The following HELZ variants were observed in gnomAD, a reference collection of about 807,000 sequenced individuals.
HELZ encodes the protein helicase with zinc finger, also known as ATP-dependent RNA helicase with zinc finger domain.
In HELZ, 23 loss-of-function variants were observed where a neutral mutation model predicts 218.2. The observed-to-expected ratio is 0.11, with a 90% CI of 0.08 to 0.15. The LOEUF is 0.15. HELZ is among the 10% of genes least tolerant of loss of function. HELZ has a pLI of 1.00. For synonymous variants in HELZ, 814 were observed against 829.4 expected (o/e 0.98, Z 0.32); for missense variants, 1,813 against 2,353.7 (o/e 0.77, Z 4.75).
intron 23 of HELZ, among the ~76,000 whole-genome samples, chr17:67,135,484 G>A (rs1167583226): frequency 6.6e-6 from 1 of 152,134 alleles, no homozygotes; most frequent in Non-Finnish European, 1.5e-5. Context: ...TTCTCAGTGA[G>A]GTCTGCTCTC....
At chr17:67,189,489 A>C (rs1017120847) in intron 11 of HELZ, 100 bp downstream of exon 11, 1 of 704,592 alleles carries the variant, frequency 1.4e-6, no homozygotes, top group Non-Finnish European at 2.5e-6. Context: ...ACTTAGATTA[A>C]AATATTTTCA....
intron 5 of HELZ, among the ~76,000 whole-genome samples, chr17:67,213,079 T>C (rs1280985844): frequency 1.3e-5 from 2 of 152,202 alleles, no homozygotes; most frequent in African/African-American, 4.8e-5. Flanking sequence ...TCCTTCAGCA[T>C]TTACTTTTGT....
Position 67,123,136 on chromosome 17 carries a change from A to G in HELZ, c.3464T>C (p.Ile1155Thr), listed in dbSNP as rs373787062. 26 of 1,613,242 alleles carry G rather than the reference A, an allele frequency of 1.6e-5. No homozygotes were observed. Among genetic ancestry groups the G allele is most frequent in the Admixed American group, 6.7e-5 (4 of 60,004 alleles). The change falls in exon 26 of 33, where the codon ATT (isoleucine) becomes ACT (threonine). Residue 1155 changes from isoleucine to threonine, a missense_variant. Ile to Thr is a moderately conservative substitution (Grantham distance 89). Around this residue, in one of 4 missense-constraint regions of HELZ, gnomAD observed 938 missense variants for 1,027.5 expected, o/e 0.91. Transcript: ENST00000358691. ...GIVQPNPSVL[I>T]GNPIRAYTPP... Reference sequence around the variant, plus strand: ...AGTATATGCTCTAATAGGATTGCCAATAAGTACAGAAGGATTGGGCTGAAC... The same window carrying G: ...AGTATATGCTCTAATAGGATTGCCAGTAAGTACAGAAGGATTGGGCTGAAC...
intron 32 of HELZ, among the ~76,000 whole-genome samples, chr17:67,086,621 T>TATATATATATATAAAA (rs2036384586): frequency 2.1e-5 from 1 of 48,370 alleles, no homozygotes; most frequent in South Asian, 1.2e-3. Context: ...TATAAATAAA[T>TATATATATATATAAAA]ATAAATATAA....
intron 31 of HELZ, among the ~76,000 whole-genome samples, chr17:67,094,900 C>A (rs1439843756): frequency 6.6e-6 from 1 of 152,134 alleles, no homozygotes; most frequent in Non-Finnish European, 1.5e-5. Flanking sequence ...TACTGTATTG[C>A]TAAAAAATGC....
In HELZ at chr17:67,087,014, C is replaced by A. The variant is rs1390836144; in HGVS notation, c.5309G>T (p.Cys1770Phe). ...RRISSSSVQP[C>F]SEEVSTPQDS... Reference sequence around the variant, plus strand: ...TTGAGGAGTGCTTACTTCTTCAGAACAAGGTTGAACTGAGCTAGATGAGAT... The same window carrying A: ...TTGAGGAGTGCTTACTTCTTCAGAAAAAGGTTGAACTGAGCTAGATGAGAT... The change falls in exon 32 of 33, where the codon TGT (cysteine) becomes TTT (phenylalanine). Residue 1770 changes from cysteine to phenylalanine, a missense_variant. This residue lies in a region of HELZ where 938 missense variants were observed against 1,027.5 expected (regional missense o/e 0.91). Coordinates refer to ENST00000358691, the MANE Select transcript of HELZ (RefSeq NM_014877.4). 1 of 1,613,918 alleles carries A rather than the reference C, an allele frequency of 6.2e-7. No homozygotes were observed. The highest frequency in any genetic ancestry group is 8.5e-7 in the Non-Finnish European group (1 of 1,179,990).
rs1567776304 is a variant in HELZ, at chr17:67,074,344, T to C, written c.*3908A>G. The C allele has an allele frequency of 6.6e-6, 1 of 152,208 alleles. No individual in the cohort carries two copies. Among genetic ancestry groups the C allele is most frequent in the Non-Finnish European group, 1.5e-5 (1 of 68,018 alleles). The allele number at this position is 152,208 out of a possible 1,614,324, so 9.4% of individuals were successfully genotyped here. A position where few individuals can be genotyped will look rare whatever the true frequency, so the allele number is the denominator to read the frequency against. ...TTAAAGTTTTAACCTTGTATTTTTA[T>C]AGATTCTTTCTGGGATTCCCTTTTT... is the stretch of plus-strand genomic sequence containing the variant. On this transcript the variant is annotated 3_prime_UTR_variant, in exon 33 of 33. Coordinates refer to ENST00000358691, the MANE Select transcript of HELZ (RefSeq NM_014877.4).
Position 67,072,416 on chromosome 17 carries a change from G to T in HELZ, c.*5836C>A, listed in dbSNP as rs1013919957. The T allele has an allele frequency of 3.3e-5, 5 of 152,614 alleles. No individual in the cohort carries two copies. Among genetic ancestry groups the T allele is most frequent in the African/African-American group, 9.7e-5 (4 of 41,434 alleles). The allele number at this position is 152,614 out of a possible 1,614,324, so 9.5% of individuals were successfully genotyped here. A position where few individuals can be genotyped will look rare whatever the true frequency, so the allele number is the denominator to read the frequency against. On this transcript the variant is annotated 3_prime_UTR_variant, in exon 33 of 33. Transcript: ENST00000358691. The stretch of plus-strand genomic sequence containing the variant: ...GATGCTCCATGTCACTGCCATCTTA[G>T]GACAGGGACTCCTGCACTTAGTGCC...
At chr17:67,178,603 G>C in intron 13 of HELZ, 56 bp downstream of exon 13, 4 of 1,421,878 alleles carry the variant, frequency 2.8e-6, no homozygotes, top group Non-Finnish European at 2.9e-6. Flanking sequence ...TTAAAGATTA[G>C]AAATACCATC....
intron 26 of HELZ, 72 bp downstream of exon 26, chr17:67,122,898 T>C (rs2037659792): frequency 8.9e-7 from 1 of 1,122,222 alleles, no homozygotes; most frequent in East Asian, 2.4e-5. Flanking sequence ...AGAATGCTAT[T>C]TGGGATTAGA....
intron 32 of HELZ, among the ~76,000 whole-genome samples, chr17:67,079,710 C>T (rs1313997077): frequency 1.3e-5 from 2 of 152,198 alleles, no homozygotes; most frequent in African/African-American, 4.8e-5. Context: ...ACAGCACTGG[C>T]ATGATAACTG....
At chr17:67,173,751 C>A (rs2039375997) in intron 13 of HELZ, among the ~76,000 whole-genome samples, 2 of 151,902 alleles carry the variant, frequency 1.3e-5, no homozygotes, top group Non-Finnish European at 1.5e-5. Flanking sequence ...GAAGCAGCAC[C>A]CATCTAACGA....
At chr17:67,184,213 C>T (rs1298814825) in intron 12 of HELZ, among the ~76,000 whole-genome samples, 1 of 152,128 alleles carries the variant, frequency 6.6e-6, no homozygotes, top group Non-Finnish European at 1.5e-5. Flanking sequence ...CACTGAGAGC[C>T]AATGATTAAC....
chr17:67,233,143 A>C lies in HELZ; in HGVS notation c.-19+6290T>G, dbSNP rs143809674. 3.0e-3 allele frequency among the ~76,000 whole-genome samples: 456 copies of C among 152,358 alleles called. 6 individuals are homozygous for C. The highest frequency in any genetic ancestry group is 0.027 in the Admixed American group (407 of 15,306). On this transcript the variant is annotated intron_variant, in intron 3 of 32. Coordinates refer to ENST00000358691, the MANE Select transcript of HELZ (RefSeq NM_014877.4). ...AGCGAGACTCCGTCTCAAAAAAATAAAATAAACATAACCAGCCTGGCCAAC... is the reference window on the plus strand; with the variant it reads ...AGCGAGACTCCGTCTCAAAAAAATACAATAAACATAACCAGCCTGGCCAAC...
chr17:67,145,701 G>A, intron 21 of HELZ, 42 bp downstream of exon 21: 1 of 1,515,926 alleles, frequency 6.6e-7, no homozygotes, highest in Middle Eastern at 1.7e-4. Context: ...TAGACGATGT[G>A]ACTGAGAAAA....
intron 5 of HELZ, among the ~76,000 whole-genome samples, chr17:67,209,055 G>A (rs1360401679): frequency 6.9e-6 from 1 of 144,210 alleles, no homozygotes; most frequent in Non-Finnish European, 1.5e-5. Flanking sequence ...GAGGGAGGGA[G>A]GGAAGGAAGG....
chr17:67,086,356 G>A (rs1036946687), intron 32 of HELZ, among the ~76,000 whole-genome samples: 5 of 151,676 alleles, frequency 3.3e-5, no homozygotes, highest in Admixed American at 6.6e-5. Context: ...AGGTCGAGGC[G>A]GGTCGATCAC....
chr17:67,113,943 G>T (rs557356584), intron 28 of HELZ, among the ~76,000 whole-genome samples: 2 of 152,140 alleles, frequency 1.3e-5, no homozygotes, highest in Non-Finnish European at 2.9e-5. Context: ...GGGCTTAGTG[G>T]GTATGATGAG....
chr17:67,244,007 A>C, intron 1 of HELZ, 168 bp from the exon 2 acceptor site: 1 of 984,672 alleles, frequency 1.0e-6, no homozygotes, highest in Non-Finnish European at 1.2e-6. Flanking sequence ...TGACCTTAAA[A>C]CATTTCCTTT....
Sources: gnomAD v4.1 joint callset for allele counts (sites outside exome capture counted in the v4.1 genomes callset) on GRCh38, gnomAD v4.1.1 for gene constraint, gnomAD v4.1.1 regional missense constraint, MANE v1.5 for transcripts, NCBI Gene and HGNC (gene_info 2026-07-23, HGNC 2026-07-21) for gene names.